VPS35L: variants seen among roughly 807,000 people sequenced by gnomAD.
VPS35L encodes VPS35 endosomal protein-sorting factor-like.
VPS35L carries 83 observed loss-of-function variants against 133.0 expected under a neutral mutation model. The observed-to-expected ratio is 0.62, with a 90% CI of 0.52 to 0.75. The LOEUF (loss-of-function observed/expected upper bound fraction) is 0.75, where lower values mean the gene tolerates loss of function less well. Ranked by LOEUF, VPS35L falls within the 30% of genes least tolerant of loss-of-function variation. VPS35L has a pLI of 0.00. For missense variants in VPS35L, 1,083 were observed against 1,206.8 expected (o/e 0.90, Z 1.52); for synonymous variants, 423 against 449.9 (o/e 0.94, Z 0.76).
intron 2 of VPS35L, among the ~76,000 whole-genome samples, 156 bp downstream of exon 2, chr16:19,565,106 T>C (rs1348296371): frequency 6.6e-6 from 1 of 151,472 alleles, no homozygotes; most frequent in Non-Finnish European, 1.5e-5. Flanking sequence ...CAGGCTGGAG[T>C]GCAGTGGTGG....
intron 27 of VPS35L, among the ~76,000 whole-genome samples, chr16:19,679,156 CG>C (rs1229593116): frequency 1.5e-3 from 2 of 1,306 alleles, no homozygotes; most frequent in Non-Finnish European, 4.5e-3. Context: ...GGTGGGGAGG[CG>C]GGGGGGCGGG....
chr16:19,651,893 T>G, intron 25 of VPS35L, 83 bp from the exon 26 acceptor site: 1 of 1,023,326 alleles, frequency 9.8e-7, no homozygotes, highest in Non-Finnish European at 1.5e-6. Context: ...TTTCTTTCCT[T>G]GGAAATACAT....
At chr16:19,579,160 G>A in intron 6 of VPS35L, 32 bp downstream of exon 6, 1 of 1,598,800 alleles carries the variant, frequency 6.3e-7, no homozygotes, top group Non-Finnish European at 8.6e-7. Flanking sequence ...TACAGGGAGT[G>A]GGAGAGCTTT....
At chr16:19,582,706 C>T (rs1185312386) in intron 7 of VPS35L, among the ~76,000 whole-genome samples, 1 of 152,126 alleles carries the variant, frequency 6.6e-6, no homozygotes, top group East Asian at 1.9e-4. Context: ...AGCATCTCTC[C>T]GTAGATTATT....
At chr16:19,571,608 G>A (rs1188162577) in intron 3 of VPS35L, among the ~76,000 whole-genome samples, 6 of 151,782 alleles carry the variant, frequency 4.0e-5, no homozygotes, top group Admixed American at 6.6e-5. Context: ...GCAGTGGCGC[G>A]ATCTTGGCTC....
chr16:19,597,277 A>T (rs956689855), intron 8 of VPS35L, among the ~76,000 whole-genome samples: 3 of 152,006 alleles, frequency 2.0e-5, no homozygotes, highest in African/African-American at 7.2e-5. Context: ...AGGCAGAGGC[A>T]GGCAGATTCC....
At chr16:19,609,197 C>T (rs1289995204) in intron 11 of VPS35L, among the ~76,000 whole-genome samples, 176 bp downstream of exon 11, 1 of 152,150 alleles carries the variant, frequency 6.6e-6, no homozygotes, top group South Asian at 2.1e-4. Context: ...AGTAGAGACA[C>T]CATCCTAATC....
chr16:19,660,920 C>T (rs1258422984), intron 26 of VPS35L, among the ~76,000 whole-genome samples: 1 of 152,070 alleles, frequency 6.6e-6, no homozygotes, highest in Non-Finnish European at 1.5e-5. Context: ...TGTATCTCCC[C>T]ACCCCACCCC....
intron 1 of VPS35L, among the ~76,000 whole-genome samples, chr16:19,561,591 A>G (rs1971030883): frequency 1.3e-5 from 2 of 152,116 alleles, no homozygotes. Flanking sequence ...CTAGTATTTC[A>G]TACAAAGGTT....
chr16:19,585,858 C>T (rs1015563762), intron 7 of VPS35L, among the ~76,000 whole-genome samples: 1 of 152,086 alleles, frequency 6.6e-6, no homozygotes, highest in Non-Finnish European at 1.5e-5. Context: ...CTATTCAATG[C>T]CTGCCCATTT....
intron 12 of VPS35L, among the ~76,000 whole-genome samples, chr16:19,614,466 C>T (rs2151551277): frequency 6.6e-6 from 1 of 152,350 alleles, no homozygotes; most frequent in African/African-American, 2.4e-5. Flanking sequence ...GGCTGGAGTG[C>T]AGTGGCACAA....
At chr16:19,583,264 A>C (rs1971765261) in intron 7 of VPS35L, among the ~76,000 whole-genome samples, 1 of 152,122 alleles carries the variant, frequency 6.6e-6, no homozygotes, top group Admixed American at 6.6e-5. Flanking sequence ...TGCCATACCC[A>C]ACCCCAGAAA....
intron 27 of VPS35L, among the ~76,000 whole-genome samples, chr16:19,671,197 C>T (rs1974860228): frequency 1.3e-5 from 2 of 152,154 alleles, no homozygotes; most frequent in Non-Finnish European, 2.9e-5. Flanking sequence ...GGACTGGGCA[C>T]CGTGGCTCAT....
chr16:19,647,290 A>G (rs1407080884), intron 23 of VPS35L, among the ~76,000 whole-genome samples: 2 of 152,242 alleles, frequency 1.3e-5, no homozygotes, highest in Non-Finnish European at 2.9e-5. Context: ...TGTAATGGAA[A>G]TGGCAATGTT....
chr16:19,618,919 C>CT (rs1972985023), intron 14 of VPS35L, among the ~76,000 whole-genome samples: 1 of 148,916 alleles, frequency 6.7e-6, no homozygotes, highest in African/African-American at 2.5e-5. Context: ...CTTTGCCTAT[C>CT]TGTTTTTTTT....
intron 26 of VPS35L, among the ~76,000 whole-genome samples, chr16:19,659,759 G>A (rs9937149): frequency 0.016 from 2,444 of 152,210 alleles, 74 homozygotes; most frequent in African/African-American, 0.057. Flanking sequence ...CCCATCACTT[G>A]GTGGCAGCAC....
chr16:19,680,835 G>A (rs1436957299), intron 27 of VPS35L, among the ~76,000 whole-genome samples: 1 of 152,092 alleles, frequency 6.6e-6, no homozygotes. Flanking sequence ...CTTGAGCTCA[G>A]AGTCAAGGCT....
At position 19,608,109 on chromosome 16, in the gene VPS35L, T is replaced by G. The variant is rs1597354525; in HGVS notation, c.785-69T>G. 6.0e-6 allele frequency: 7 copies of G among 1,160,882 alleles called. No individual in the cohort carries two copies. In the East Asian group the frequency reaches 1.6e-4, roughly 27 times the overall value. 71.9% of individuals were successfully genotyped at this position (1,160,882 alleles called of 1,614,324 possible). ...CCTTTTCTGCTCCAGGGTAATGTAT[T>G]CCCATCCAGGGACTCACACAGATCC... On this transcript the variant is annotated intron_variant, in intron 9 of 30. Transcript: ENST00000417362.
At chr16:19,604,412 A>G (rs536458485) in intron 9 of VPS35L, among the ~76,000 whole-genome samples, 55 of 152,236 alleles carry the variant, frequency 3.6e-4, no homozygotes, top group Non-Finnish European at 3.7e-4. Flanking sequence ...GTTTAGATAC[A>G]TTAATTATAG....
Sources: allele counts gnomAD v4.1 joint callset (sites outside exome capture counted in the v4.1 genomes callset), GRCh38; gene constraint gnomAD v4.1.1; transcripts MANE v1.5; gene names NCBI Gene and HGNC (gene_info 2026-07-23, HGNC 2026-07-21).